Variants in DPP6 observed in about 807,000 individuals in gnomAD.
DPP6 encodes A-type potassium channel modulatory protein DPP6.
DPP6 carries 69 observed loss-of-function variants against 122.6 expected under a neutral mutation model. The ratio of observed to expected loss-of-function variants is 0.56; its 90% CI spans 0.46 to 0.69. The LOEUF (loss-of-function observed/expected upper bound fraction) is 0.69, where lower values mean the gene tolerates loss of function less well. DPP6 is among the 30% of genes least tolerant of loss of function. The pLI is 0.00. For missense variants in DPP6, 928 were observed against 1,116.9 expected (o/e 0.83, Z 2.41); for synonymous variants, 418 against 433.1 (o/e 0.97, Z 0.43).
chr7:154,650,573 A>C (rs1024599862), intron 6 of DPP6, among the ~76,000 whole-genome samples: 3 of 152,186 alleles, frequency 2.0e-5, no homozygotes, highest in African/African-American at 7.2e-5. Flanking sequence ...AGGGCTGGCA[A>C]ACCCAACAGC....
chr7:154,803,606 C>T (rs1294084536), intron 13 of DPP6, among the ~76,000 whole-genome samples: 7 of 152,178 alleles, frequency 4.6e-5, no homozygotes, highest in African/African-American at 1.4e-4. Context: ...AAGTGATTCG[C>T]GTCACCAAAG....
chr7:154,054,159 G>T (rs191732038), intron 1 of DPP6, among the ~76,000 whole-genome samples: 2,806 of 152,042 alleles, frequency 0.018, 42 homozygotes, highest in Non-Finnish European at 0.028. Context: ...AACCGCAGGG[G>T]TCCCACCGGC....
chr7:154,198,012 G>T (rs1798957326), intron 1 of DPP6, among the ~76,000 whole-genome samples: 3 of 152,180 alleles, frequency 2.0e-5, no homozygotes, highest in Admixed American at 1.3e-4. Flanking sequence ...TGGGCAGGGA[G>T]CAGAACCATT....
At chr7:154,792,055 G>A (rs1797714860) in intron 10 of DPP6, among the ~76,000 whole-genome samples, 1 of 152,256 alleles carries the variant, frequency 6.6e-6, no homozygotes, top group South Asian at 2.1e-4. Flanking sequence ...TCCAACAATT[G>A]AGAACAAAAG....
intron 1 of DPP6, among the ~76,000 whole-genome samples, chr7:154,272,039 A>G (rs1803827129): frequency 6.6e-6 from 1 of 152,178 alleles, no homozygotes; most frequent in Non-Finnish European, 1.5e-5. Context: ...CTCTCTCTAC[A>G]TTTTGCATCC....
intron 1 of DPP6, among the ~76,000 whole-genome samples, chr7:154,032,902 C>A (rs1265647436): frequency 3.1e-5 from 3 of 96,182 alleles, no homozygotes; most frequent in Non-Finnish European, 5.9e-5. Flanking sequence ...TCAGCCTTTT[C>A]AGGTGGCTTT....
intron 1 of DPP6, among the ~76,000 whole-genome samples, chr7:154,006,069 G>A (rs910989981): frequency 5.3e-5 from 8 of 152,156 alleles, no homozygotes; most frequent in African/African-American, 1.9e-4. Context: ...AAATCTCAGT[G>A]GAGCCTGTTC....
At chr7:154,571,096 G>C (rs1441796374) in intron 5 of DPP6, among the ~76,000 whole-genome samples, 1 of 152,112 alleles carries the variant, frequency 6.6e-6, no homozygotes, top group Non-Finnish European at 1.5e-5. Flanking sequence ...ATTTCTCAGT[G>C]TACACTTCCT....
intron 5 of DPP6, among the ~76,000 whole-genome samples, chr7:154,571,272 A>C (rs1417988634): frequency 6.6e-6 from 1 of 152,208 alleles, no homozygotes; most frequent in Non-Finnish European, 1.5e-5. Flanking sequence ...ACAAATATGA[A>C]ACATTTCCAA....
chr7:154,140,786 G>C (rs1165219746), intron 1 of DPP6, among the ~76,000 whole-genome samples: 7 of 152,170 alleles, frequency 4.6e-5, no homozygotes, highest in Non-Finnish European at 1.0e-4. Context: ...TAACCACAAT[G>C]CTTGGCGAAT....
intron 1 of DPP6, among the ~76,000 whole-genome samples, chr7:154,294,403 TA>T (rs1376470606): frequency 6.6e-6 from 1 of 152,190 alleles, no homozygotes; most frequent in Non-Finnish European, 1.5e-5. Context: ...TTTAGTGGCC[TA>T]CTTGAATGTC....
intron 1 of DPP6, among the ~76,000 whole-genome samples, chr7:154,346,915 G>T (rs1810446211): frequency 6.6e-6 from 1 of 152,102 alleles, no homozygotes; most frequent in Non-Finnish European, 1.5e-5. Context: ...AGAGTATAAT[G>T]TTTTCCATTT....
At chr7:154,592,257 T>G (rs1326338484) in intron 5 of DPP6, among the ~76,000 whole-genome samples, 1 of 152,186 alleles carries the variant, frequency 6.6e-6, no homozygotes, top group Non-Finnish European at 1.5e-5. Context: ...AAGACACTGC[T>G]TATCTTGACT....
the DPP6 span, among the ~76,000 whole-genome samples, chr7:153,776,696 C>T: frequency 6.6e-6 from 1 of 152,244 alleles, no homozygotes. Context: ...AGAGGAAAGG[C>T]AGTCTTTCCA....
At chr7:154,438,816 C>T (rs963439096) in intron 1 of DPP6, among the ~76,000 whole-genome samples, 3 of 152,156 alleles carry the variant, frequency 2.0e-5, no homozygotes, top group East Asian at 1.9e-4. Flanking sequence ...CAGCCAAGAA[C>T]GACTTGGAAT....
intron 1 of DPP6, among the ~76,000 whole-genome samples, chr7:153,973,381 A>G (rs1304828022): frequency 6.6e-6 from 1 of 152,222 alleles, no homozygotes; most frequent in Non-Finnish European, 1.5e-5. Flanking sequence ...ACCTGAATCA[A>G]GCAATTCTTT....
the DPP6 span, among the ~76,000 whole-genome samples, chr7:153,881,660 A>G: frequency 6.6e-6 from 1 of 152,110 alleles, no homozygotes. Flanking sequence ...TTTGTAGGAC[A>G]CGGCTCACAT....
chr7:154,778,998 A>G (rs1377705173), intron 10 of DPP6, among the ~76,000 whole-genome samples: 3 of 125,738 alleles, frequency 2.4e-5, no homozygotes, highest in Non-Finnish European at 5.1e-5. Context: ...CACCTCCACA[A>G]CCTCCACCAC....
chr7:154,469,811 A>G (rs1822106152), intron 2 of DPP6, among the ~76,000 whole-genome samples: 1 of 152,226 alleles, frequency 6.6e-6, no homozygotes, highest in Non-Finnish European at 1.5e-5. Context: ...AGGGCACTCA[A>G]TCAATAAATA....
Sources: allele counts gnomAD v4.1 joint callset (sites outside exome capture counted in the v4.1 genomes callset), GRCh38; gene constraint gnomAD v4.1.1; transcripts MANE v1.5; gene names NCBI Gene and HGNC (gene_info 2026-07-23, HGNC 2026-07-21).